The following CDH18 variants were observed in gnomAD, a reference collection of about 807,000 sequenced individuals.
CDH18 encodes the protein cadherin 18.
In CDH18, 31 loss-of-function variants were observed where a neutral mutation model predicts 67.9. That is an observed-to-expected ratio of 0.46 (90% CI 0.34 to 0.62). CDH18 has a LOEUF of 0.62. CDH18 is among the 20% of genes least tolerant of loss of function. The probability of loss-of-function intolerance (pLI) is 0.01; values close to 1 mark genes in which losing one functional copy is unlikely to be tolerated. For synonymous variants in CDH18, 362 were observed against 347.2 expected, an observed-to-expected ratio of 1.04 and a Z score of -0.48; for missense variants, 890 against 975.5, an observed-to-expected ratio of 0.91 and a Z score of 1.17.
chr5:19,726,146 T>C (rs959635653), intron 4 of CDH18, among the ~76,000 whole-genome samples: 10 of 151,872 alleles, frequency 6.6e-5, no homozygotes, highest in Non-Finnish European at 1.3e-4. Flanking sequence ...TAAGTGAGAG[T>C]TGAGATACAC....
rs543906795 is a variant in CDH18 at position 20,018,320 on chromosome 5, ATATAAT to A, written c.-517-26312_-517-26307del. ...GAGTTCGGAATGTCTAGAGATACAAATATAATTATAAGTAAAAATAGGCCCAATTAC... is the reference window on the plus strand; with the variant it reads ...GAGTTCGGAATGTCTAGAGATACAAATATAAGTAAAAATAGGCCCAATTAC... On this transcript the variant is annotated intron_variant, in intron 2 of 14. Coordinates refer to the CDH18 transcript ENST00000507958. Among the ~76,000 whole-genome samples, 623 of 152,320 alleles carry A rather than the reference ATATAAT, an allele frequency of 4.1e-3. 1 individual carries two copies. The highest frequency in any genetic ancestry group is 6.7e-3 in the Non-Finnish European group (456 of 68,030).
intron 3 of CDH18, among the ~76,000 whole-genome samples, chr5:19,753,040 C>T (rs1316632341): frequency 6.6e-6 from 1 of 152,144 alleles, no homozygotes; most frequent in East Asian, 1.9e-4. Flanking sequence ...CAGCCTTCAG[C>T]CCTAGACCTT....
At position 20,053,308 on chromosome 5, in the gene CDH18, C is replaced by T. The variant is rs545745807; in HGVS notation, c.-517-61294G>A. On this transcript the variant is annotated intron_variant, in intron 2 of 14. Transcript: ENST00000507958. ...TATATGATATATGTAGTATATATAG[C>T]ATACATACACACACACACACACAAA... Among the ~76,000 whole-genome samples, 10 of 151,242 alleles carry T rather than the reference C, an allele frequency of 6.6e-5. No homozygotes were observed. In the South Asian group the frequency reaches 2.1e-3, roughly 31 times the overall value.
At chr5:19,964,853 C>A (rs1797273779) in intron 2 of CDH18, among the ~76,000 whole-genome samples, 1 of 151,870 alleles carries the variant, frequency 6.6e-6, no homozygotes, top group African/African-American at 2.4e-5. Flanking sequence ...TAGAAATAAA[C>A]AAAAGAGCCA....
intron 3 of CDH18, among the ~76,000 whole-genome samples, chr5:19,758,927 G>A (rs1255427027): frequency 3.9e-5 from 6 of 152,336 alleles, no homozygotes; most frequent in Admixed American, 1.3e-4. Flanking sequence ...TTGCAGAAGC[G>A]AAAAGCGATC....
intron 10 of CDH18, among the ~76,000 whole-genome samples, chr5:19,512,454 A>G (rs777582377): frequency 4.9e-4 from 74 of 152,244 alleles, no homozygotes; most frequent in Non-Finnish European, 9.4e-4. Context: ...CAAAGGACCT[A>G]AGTTTTAAGA....
At chr5:20,299,616 G>A (rs141761270) in intron 1 of CDH18, among the ~76,000 whole-genome samples, 3,718 of 151,862 alleles carry the variant, frequency 0.024, 75 homozygotes, top group Non-Finnish European at 0.038. Context: ...AAAATTAGCC[G>A]GGCGTGGTGG....
In CDH18 at chr5:20,356,749, CTCTCTATA is replaced by C. The variant is rs1433053621; in HGVS notation, c.-579-101252_-579-101245del. ...TCTCTCTCTCTCTCTCTCTCTCTCT[CTCTCTATA>C]TATATATATATATACACATGCACAC... On this transcript the variant is annotated intron_variant, in intron 1 of 14. Transcript: ENST00000507958. Among the ~76,000 whole-genome samples, 246 of 129,162 alleles carry C rather than the reference CTCTCTATA, an allele frequency of 1.9e-3. 1 individual carries two copies. The highest frequency in any genetic ancestry group is 6.7e-3 in the African/African-American group (210 of 31,460). 84.7% of individuals were successfully genotyped at this position (129,162 alleles called of 152,430 possible). A position where few individuals can be genotyped will look rare whatever the true frequency, so the allele number is the denominator to read the frequency against.
intron 1 of CDH18, among the ~76,000 whole-genome samples, chr5:20,554,307 TACAAACATGTTCAAGTCTTTC>T (rs1757789705): frequency 1.3e-5 from 2 of 152,194 alleles, no homozygotes; most frequent in Admixed American, 1.3e-4. Context: ...CCCTTCAGCA[TACAAACATGTTCAAGTCTTTC>T]ACATACTAAA....
intron 2 of CDH18, among the ~76,000 whole-genome samples, chr5:20,192,881 T>C (rs985364607): frequency 6.6e-5 from 10 of 152,208 alleles, no homozygotes; most frequent in Admixed American, 6.5e-4. Context: ...TTTCTAATTC[T>C]GTGAAGAATG....
chr5:19,714,406 T>C (rs1159026746), intron 5 of CDH18, among the ~76,000 whole-genome samples: 2 of 152,158 alleles, frequency 1.3e-5, no homozygotes, highest in Non-Finnish European at 2.9e-5. Flanking sequence ...CTCTATTTCT[T>C]AAATGCTATC....
At chr5:20,150,829 A>T (rs146298876) in intron 2 of CDH18, among the ~76,000 whole-genome samples, 2,567 of 152,118 alleles carry the variant, frequency 0.017, 35 homozygotes, top group Middle Eastern at 0.051. Flanking sequence ...CTTTACTCAC[A>T]TTGTAATACA....
chr5:19,959,227 A>G (rs531965396), intron 2 of CDH18, among the ~76,000 whole-genome samples: 1 of 152,132 alleles, frequency 6.6e-6, no homozygotes, highest in South Asian at 2.1e-4. Flanking sequence ...TAATATTCAC[A>G]TATCTTCATT....
intron 11 of CDH18, among the ~76,000 whole-genome samples, chr5:19,485,664 CTT>C (rs1740279498): frequency 2.0e-5 from 3 of 152,164 alleles, no homozygotes; most frequent in Admixed American, 6.6e-5. Context: ...GAAAACCTGA[CTT>C]TTGTGGAAGC....
intron 7 of CDH18, among the ~76,000 whole-genome samples, chr5:19,573,244 A>G (rs575443961): frequency 2.0e-5 from 3 of 152,244 alleles, no homozygotes; most frequent in Non-Finnish European, 4.4e-5. Flanking sequence ...ATAAATTGCC[A>G]AAATAACTAA....
At chr5:20,430,144 T>C (rs763976445) in intron 1 of CDH18, among the ~76,000 whole-genome samples, 3 of 152,214 alleles carry the variant, frequency 2.0e-5, no homozygotes, top group Non-Finnish European at 4.4e-5. Flanking sequence ...ATTCACTACA[T>C]TGGTTTTGAA....
chr5:20,276,430 C>T (rs1266296877), intron 1 of CDH18, among the ~76,000 whole-genome samples: 1 of 152,176 alleles, frequency 6.6e-6, no homozygotes, highest in Non-Finnish European at 1.5e-5. Context: ...TCTAGACCCA[C>T]AATGGGCCAG....
At chr5:20,363,477 C>CAAAAAA (rs1187140017) in intron 1 of CDH18, among the ~76,000 whole-genome samples, 4 of 101,286 alleles carry the variant, frequency 3.9e-5, no homozygotes, top group African/African-American at 3.9e-5. Flanking sequence ...GACTCCGTAT[C>CAAAAAA]AAAAAAAAAA....
intron 3 of CDH18, among the ~76,000 whole-genome samples, chr5:19,795,536 G>T (rs1776769778): frequency 1.3e-5 from 2 of 152,076 alleles, no homozygotes; most frequent in Admixed American, 1.3e-4. Flanking sequence ...AAAATACCCT[G>T]CCATTTAAAT....
Sources: gnomAD v4.1 joint callset for allele counts (sites outside exome capture counted in the v4.1 genomes callset) on GRCh38, gnomAD v4.1.1 for gene constraint, MANE v1.5 for transcripts, NCBI Gene and HGNC (gene_info 2026-07-23, HGNC 2026-07-21) for gene names.